Variants in ASCL4 observed in about 807,000 individuals in gnomAD.
The protein encoded by ASCL4 is achaete-scute homolog 4.
ASCL4 carries 1 observed loss-of-function variant against 0.3 expected under a neutral mutation model. The ratio of observed to expected loss-of-function variants is 3.35; its 90% CI spans 1.19 to 15.89. The LOEUF (loss-of-function observed/expected upper bound fraction) is 15.89, where lower values mean the gene tolerates loss of function less well. Ranked by LOEUF, ASCL4 falls within the 30% of genes most tolerant of loss-of-function variation. The pLI is 0.12. For synonymous variants in ASCL4, 137 were observed against 119.5 expected (o/e 1.15, Z -0.96); for missense variants, 330 against 256.9 (o/e 1.28, Z -1.94).
Position 107,775,670 on chromosome 12 carries a change from G to A in ASCL4, c.452G>A (p.Ser151Asn). ...AVPQRRAECN[S>N]DGESKASSAP... The stretch of plus-strand genomic sequence containing the variant: ...CCCCAGCGCAGGGCGGAATGCAACA[G>A]CGACGGGGAGTCCAAGGCCTCTTCG... The change falls in exon 1 of 1, where the codon AGC (serine) becomes AAC (asparagine). Residue 151 changes from serine (S) to asparagine (N), a missense_variant. Transcript: ENST00000342331. 1 of 1,519,628 alleles carries A rather than the reference G, an allele frequency of 6.6e-7. No individual in the cohort carries two copies. The highest frequency in any genetic ancestry group is 8.7e-7 in the Non-Finnish European group (1 of 1,145,542). The allele number at this position is 1,519,628 out of a possible 1,614,324, so 94.1% of individuals were successfully genotyped here.
Position 107,775,414 on chromosome 12 carries a change from G to A in ASCL4, c.196G>A (p.Asp66Asn). 2 of 1,583,536 alleles carry A rather than the reference G, an allele frequency of 1.3e-6. No individual in the cohort carries two copies. Among genetic ancestry groups the A allele is most frequent in the Non-Finnish European group, 1.7e-6 (2 of 1,169,666 alleles). The stretch of plus-strand genomic sequence containing the variant: ...ATGGCAGTACTTGCCCGTGCCGCTG[G>A]ACAGCGCCTTCGAGCCCGCCTTCCT... ...RGWQYLPVPLDSAFEPAFLRK... is the reference protein window; with the variant it reads ...RGWQYLPVPLNSAFEPAFLRK... The change falls in exon 1 of 1, where the codon GAC becomes AAC. Residue 66 changes from aspartate to asparagine, a missense_variant. By Grantham distance (23) the Asp-to-Asn change is conservative. Coordinates refer to ENST00000342331, the MANE Select transcript of ASCL4 (RefSeq NM_203436.3).
rs773816843 is a variant in ASCL4 at position 107,775,235 on chromosome 12, C to T, written c.17C>T (p.Pro6Leu). 1 of 1,611,916 alleles carries T rather than the reference C, an allele frequency of 6.2e-7. No homozygotes were observed. Among genetic ancestry groups the T allele is most frequent in the Admixed American group, 1.7e-5 (1 of 59,852 alleles). The change falls in exon 1 of 1, where the codon CCG (proline) becomes CTG (leucine). Residue 6 changes from proline to leucine, a missense_variant. By Grantham distance (98) the Pro-to-Leu change is moderately conservative. Coordinates refer to ENST00000342331, the MANE Select transcript of ASCL4 (RefSeq NM_203436.3). The stretch of plus-strand genomic sequence containing the variant: ...CGGCAAATGATGGAGACGCGTAAAC[C>T]GGCGGAACGGCTGGCCTTGCCATAC... METRK[P>L]AERLALPYSL...
rs773529880 is a variant in ASCL4 at position 107,775,587 on chromosome 12, C to T, written c.369C>T (p.His123=). 2 of 1,579,152 alleles carry T rather than the reference C, an allele frequency of 1.3e-6. No homozygotes were observed. Among genetic ancestry groups the T allele is most frequent in the South Asian group, 1.1e-5 (1 of 88,212 alleles). ...GCGCTGCCATCGACTACATCAAGCA[C>T]CTGCAGGAGCTGCTGGAGCGCCAGG... is the stretch of plus-strand genomic sequence containing the variant. ...TLRAAIDYIK[H]LQELLERQAW... is the part of the protein sequence containing the mutation. The change falls in exon 1 of 1, where the codon CAC becomes CAT. Residue 123 remains histidine, a synonymous_variant. Transcript: ENST00000342331.
Position 107,776,069 on chromosome 12 carries a change from G to A in ASCL4, c.*332G>A, listed in dbSNP as rs1891458831. The A allele has an allele frequency of 4.1e-6, 1 of 243,450 alleles. No individual in the cohort carries two copies. The highest frequency in any genetic ancestry group is 8.4e-6 in the Non-Finnish European group (1 of 119,538). 15.1% of individuals were successfully genotyped at this position (243,450 alleles called of 1,614,324 possible). A position where few individuals can be genotyped will look rare whatever the true frequency, so the allele number is the denominator to read the frequency against. ...ATTATTCTAAAAACTCAAAGGGCGA[G>A]AACAACTGGAATTTCCCACCTTCCG... is the stretch of plus-strand genomic sequence containing the variant. On this transcript the variant is annotated 3_prime_UTR_variant, in exon 1 of 1. Transcript: ENST00000342331.
Position 107,775,816 on chromosome 12 carries a change from AG to A in ASCL4, c.*81del. ...GCGCTCAACCTAAGGTCCTCTTCGA[AG>A]GTGGTTTGCATTCTTAATCTGGCAT... On this transcript the variant is annotated 3_prime_UTR_variant, in exon 1 of 1. Transcript: ENST00000342331. 1 of 1,340,594 alleles carries A rather than the reference AG, an allele frequency of 7.5e-7. No homozygotes were observed. Among genetic ancestry groups the A allele is most frequent in the Non-Finnish European group, 9.6e-7 (1 of 1,041,434 alleles). 83.0% of individuals were successfully genotyped at this position (1,340,594 alleles called of 1,614,324 possible). A position where few individuals can be genotyped will look rare whatever the true frequency, so the allele number is the denominator to read the frequency against.
In ASCL4 at chr12:107,775,479, C is replaced by G; in HGVS notation, c.261C>G (p.Cys87Trp). 8.9e-6 allele frequency: 14 copies of G among 1,571,486 alleles called. No individual in the cohort carries two copies. The highest frequency in any genetic ancestry group is 1.2e-5 in the Non-Finnish European group (14 of 1,167,014). ...RNERERQRVR[C>W]VNEGYARLRD... ...AGCGCGAGCGGCAGCGGGTGCGCTG[C>G]GTGAACGAGGGCTATGCGCGCCTCC... The change falls in exon 1 of 1, where the codon TGC becomes TGG. Residue 87 changes from cysteine to tryptophan, a missense_variant. Cys to Trp is a radical substitution (Grantham distance 215). Coordinates refer to ENST00000342331, the MANE Select transcript of ASCL4 (RefSeq NM_203436.3).
At position 107,775,139 on chromosome 12, in the gene ASCL4, C is replaced by G; in HGVS notation, c.-80C>G. 6.5e-7 allele frequency: 1 copy of G among 1,546,378 alleles called. No homozygotes were observed. The highest frequency in any genetic ancestry group is 8.8e-7 in the Non-Finnish European group (1 of 1,139,712). Reference sequence around the variant, plus strand: ...TGAGCCAGGCAGTCTGCACCAGCACCTCTGCTTCTAAGATTCTGTTTCGTC... The same window carrying G: ...TGAGCCAGGCAGTCTGCACCAGCACGTCTGCTTCTAAGATTCTGTTTCGTC... On this transcript the variant is annotated 5_prime_UTR_variant, in exon 1 of 1. Transcript: ENST00000342331.
chr12:107,775,800 C>T lies in ASCL4; in HGVS notation c.*63C>T, dbSNP rs1319013221. On this transcript the variant is annotated 3_prime_UTR_variant, in exon 1 of 1. Coordinates refer to ENST00000342331, the MANE Select transcript of ASCL4 (RefSeq NM_203436.3). Reference sequence around the variant, plus strand: ...CACAGCGCGCAGCCGGGCGCTCAACCTAAGGTCCTCTTCGAAGGTGGTTTG... The same window carrying T: ...CACAGCGCGCAGCCGGGCGCTCAACTTAAGGTCCTCTTCGAAGGTGGTTTG... 1 of 1,362,460 alleles carries T rather than the reference C, an allele frequency of 7.3e-7. No individual in the cohort carries two copies. Among genetic ancestry groups the T allele is most frequent in the Non-Finnish European group, 9.5e-7 (1 of 1,058,050 alleles). The allele number at this position is 1,362,460 out of a possible 1,614,324, so 84.4% of individuals were successfully genotyped here.
chr12:107,775,658 C>A lies in ASCL4; in HGVS notation c.440C>A (p.Ala147Glu). ...GCCGGCGCCGTCCCCCAGCGCAGGG[C>A]GGAATGCAACAGCGACGGGGAGTCC... ...GAAGAVPQRR[A>E]ECNSDGESKA... The change falls in exon 1 of 1, where the codon GCG becomes GAG. Residue 147 changes from alanine to glutamate, a missense_variant. By Grantham distance (107) the Ala-to-Glu change is moderately radical. Transcript: ENST00000342331. 2.0e-6 allele frequency: 3 copies of A among 1,536,688 alleles called. No homozygotes were observed. Among genetic ancestry groups the A allele is most frequent in the African/African-American group, 1.4e-5 (1 of 70,682 alleles).
Position 107,775,496 on chromosome 12 carries a change from C to A in ASCL4, c.278C>A (p.Ala93Glu), listed in dbSNP as rs766771512. Residue 93 changes from alanine (A) to glutamate (E), a missense_variant, in exon 1 of 1, where the codon GCG becomes GAG. Coordinates refer to ENST00000342331, the MANE Select transcript of ASCL4 (RefSeq NM_203436.3). ...GTGCGCTGCGTGAACGAGGGCTATG[C>A]GCGCCTCCGAGACCACCTGCCCCGG... ...QRVRCVNEGY[A>E]RLRDHLPREL... 8.3e-6 allele frequency: 13 copies of A among 1,570,820 alleles called. No individual in the cohort carries two copies. The highest frequency in any genetic ancestry group is 3.6e-5 in the Admixed American group (2 of 55,032).
In ASCL4 at chr12:107,774,907, C is replaced by T. The variant is rs988743123; in HGVS notation, c.-312C>T. On this transcript the variant is annotated 5_prime_UTR_variant, in exon 1 of 1. Coordinates refer to ENST00000342331, the MANE Select transcript of ASCL4 (RefSeq NM_203436.3). The stretch of plus-strand genomic sequence containing the variant: ...GCTGGGGGACCAGGCAGAGGAACCC[C>T]CTTTGTTATCTTCTGAAAGAAGATC... The T allele has an allele frequency of 5.2e-6, 2 of 385,744 alleles. No individual in the cohort carries two copies. The highest frequency in any genetic ancestry group is 9.2e-6 in the Non-Finnish European group (2 of 216,380). The allele number at this position is 385,744 out of a possible 1,614,324, so 23.9% of individuals were successfully genotyped here.
Position 107,774,900 on chromosome 12 carries a change from G to A in ASCL4, c.-319G>A. ...TTTCCAGGCTGGGGGACCAGGCAGA[G>A]GAACCCCCTTTGTTATCTTCTGAAA... On this transcript the variant is annotated 5_prime_UTR_variant, in exon 1 of 1. Coordinates refer to ENST00000342331, the MANE Select transcript of ASCL4 (RefSeq NM_203436.3). 1 of 361,108 alleles carries A rather than the reference G, an allele frequency of 2.8e-6. No individual in the cohort carries two copies. The highest frequency in any genetic ancestry group is 5.0e-6 in the Non-Finnish European group (1 of 200,832). The allele number at this position is 361,108 out of a possible 1,614,324, so 22.4% of individuals were successfully genotyped here.
At position 107,775,285 on chromosome 12, in the gene ASCL4, G is replaced by C. The variant is rs369592431; in HGVS notation, c.67G>C (p.Val23Leu). Residue 23 changes from valine (V) to leucine (L), a missense_variant, in exon 1 of 1, where the codon GTT becomes CTT. Physicochemically the swap from Val to Leu is conservative, Grantham distance 32 (BLOSUM62 1). Transcript: ENST00000342331. Reference protein sequence around the residue: ...PYSLRTAPLGVPGTLPGLPRR... With the variant: ...PYSLRTAPLGLPGTLPGLPRR... ...CTCGCTGCGCACCGCGCCCCTGGGCGTTCCGGGGACCCTGCCCGGACTCCC... is the reference window on the plus strand; with the variant it reads ...CTCGCTGCGCACCGCGCCCCTGGGCCTTCCGGGGACCCTGCCCGGACTCCC... 8.2e-5 allele frequency: 132 copies of C among 1,612,276 alleles called. No homozygotes were observed. Among genetic ancestry groups the C allele is most frequent in the Non-Finnish European group, 8.9e-5 (105 of 1,179,270 alleles).
Position 107,775,520 on chromosome 12 carries a change from G to A in ASCL4, c.302G>A (p.Arg101Gln), listed in dbSNP as rs975299930. The A allele has an allele frequency of 7.0e-6, 11 of 1,572,494 alleles. No individual in the cohort carries two copies. The highest frequency in any genetic ancestry group is 2.3e-5 in the East Asian group (1 of 43,738). ...GYARLRDHLPRELADKRLSKV... is the reference protein window; with the variant it reads ...GYARLRDHLPQELADKRLSKV... ...GCGCGCCTCCGAGACCACCTGCCCCGGGAGCTGGCAGACAAGCGCCTCAGC... is the reference window on the plus strand; with the variant it reads ...GCGCGCCTCCGAGACCACCTGCCCCAGGAGCTGGCAGACAAGCGCCTCAGC... Residue 101 changes from arginine (R) to glutamine (Q), a missense_variant, in exon 1 of 1, where the codon CGG becomes CAG. Coordinates refer to ENST00000342331, the MANE Select transcript of ASCL4 (RefSeq NM_203436.3).
rs547501779 is a variant in ASCL4, at chr12:107,775,498, C to T, written c.280C>T (p.Arg94Cys). The T allele has an allele frequency of 8.9e-6, 14 of 1,571,818 alleles. No individual in the cohort carries two copies. The highest frequency in any genetic ancestry group is 4.6e-5 in the South Asian group (4 of 87,722). ...GCGCTGCGTGAACGAGGGCTATGCG[C>T]GCCTCCGAGACCACCTGCCCCGGGA... Reference protein sequence around the residue: ...RVRCVNEGYARLRDHLPRELA... With the variant: ...RVRCVNEGYACLRDHLPRELA... The change falls in exon 1 of 1, where the codon CGC (arginine) becomes TGC (cysteine). Residue 94 changes from arginine to cysteine, a missense_variant. By Grantham distance (180) the Arg-to-Cys change is radical. Transcript: ENST00000342331.
chr12:107,775,326 C>T lies in ASCL4; in HGVS notation c.108C>T (p.Leu36=). The part of the protein sequence containing the change: ...TLPGLPRRDP[L]RVALRLDAAC... ...CCGGACTCCCGCGGAGGGACCCCCT[C>T]AGGGTCGCCCTGCGTCTGGACGCCG... Residue 36 remains leucine (L), a synonymous_variant, in exon 1 of 1, where the codon CTC becomes CTT. Coordinates refer to ENST00000342331, the MANE Select transcript of ASCL4 (RefSeq NM_203436.3). 1.2e-6 allele frequency: 2 copies of T among 1,610,292 alleles called. No individual in the cohort carries two copies. The highest frequency in any genetic ancestry group is 2.2e-5 in the East Asian group (1 of 44,688).
Position 107,775,241 on chromosome 12 carries a change from A to C in ASCL4, c.23A>C (p.Glu8Ala), listed in dbSNP as rs760186316. The change falls in exon 1 of 1, where the codon GAA (glutamate) becomes GCA (alanine). Residue 8 changes from glutamate (E) to alanine (A), a missense_variant. Transcript: ENST00000342331. METRKPA[E>A]RLALPYSLRT... ...ATGATGGAGACGCGTAAACCGGCGG[A>C]ACGGCTGGCCTTGCCATACTCGCTG... The C allele has an allele frequency of 6.2e-7, 1 of 1,611,918 alleles. No homozygotes were observed. The highest frequency in any genetic ancestry group is 1.1e-5 in the South Asian group (1 of 90,916).
Position 107,775,788 on chromosome 12 carries a change from C to G in ASCL4, c.*51C>G. ...CCGCGCCCGCCGCACAGCGCGCAGC[C>G]GGGCGCTCAACCTAAGGTCCTCTTC... On this transcript the variant is annotated 3_prime_UTR_variant, in exon 1 of 1. Transcript: ENST00000342331. 7.3e-7 allele frequency: 1 copy of G among 1,379,140 alleles called. No homozygotes were observed. Among genetic ancestry groups the G allele is most frequent in the Non-Finnish European group, 9.3e-7 (1 of 1,069,548 alleles). 85.4% of individuals were successfully genotyped at this position (1,379,140 alleles called of 1,614,324 possible).
In ASCL4 at chr12:107,775,106, A is replaced by G. The variant is rs1414273456; in HGVS notation, c.-113A>G. On this transcript the variant is annotated 5_prime_UTR_variant, in exon 1 of 1. Transcript: ENST00000342331. ...TGGACCCAGAAACTTCTGCAAAGAC[A>G]GACCCACTGAGCCAGGCAGTCTGCA... The G allele has an allele frequency of 1.4e-6, 2 of 1,400,016 alleles. No individual in the cohort carries two copies. The highest frequency in any genetic ancestry group is 1.9e-6 in the Non-Finnish European group (2 of 1,026,240). 86.7% of individuals were successfully genotyped at this position (1,400,016 alleles called of 1,614,324 possible).
Sources: gnomAD v4.1 joint callset for allele counts on GRCh38, gnomAD v4.1.1 for gene constraint, MANE v1.5 for transcripts, NCBI Gene and HGNC (gene_info 2026-07-23, HGNC 2026-07-21) for gene names.